CCDC88A: variants seen among roughly 807,000 people sequenced by gnomAD.
The protein encoded by CCDC88A is coiled-coil and HOOK domain protein 88A.
In CCDC88A, 54 loss-of-function variants were observed where a neutral mutation model predicts 234.3. That is an observed-to-expected ratio of 0.23 (90% CI 0.19 to 0.29). The LOEUF is 0.29. Ranked by LOEUF, CCDC88A falls within the 10% of genes least tolerant of loss-of-function variation. The pLI, the probability that CCDC88A is intolerant of heterozygous loss-of-function variation, is 1.00. For missense variants in CCDC88A, 1,832 were observed against 2,123.4 expected (o/e 0.86, Z 2.70); for synonymous variants, 753 against 737.8 (o/e 1.02, Z -0.33).
intron 4 of CCDC88A, among the ~76,000 whole-genome samples, chr2:55,373,895 C>T (rs1673207246): frequency 6.6e-6 from 1 of 152,064 alleles, no homozygotes; most frequent in Non-Finnish European, 1.5e-5. Flanking sequence ...AACATGTAGA[C>T]TGTAAGGATA....
chr2:55,317,551 T>C lies in CCDC88A; in HGVS notation c.3602+13A>G, dbSNP rs1285999798. ...ATTTTAAATTCACAGTACAACAAAA[T>C]ATAATAAATTACCGGTCTTCAAGGT... On this transcript the variant is annotated intron_variant, in intron 20 of 32. Transcript: ENST00000436346. This position sits in a 1 kb window ranked among gnomAD's most constrained non-coding sequence, Gnocchi z 4.2. The C allele has an allele frequency of 6.6e-7, 1 of 1,522,420 alleles. No homozygotes were observed. The highest frequency in any genetic ancestry group is 2.3e-5 in the East Asian group (1 of 43,754). The allele number at this position is 1,522,420 out of a possible 1,614,324, so 94.3% of individuals were successfully genotyped here. A position where few individuals can be genotyped will look rare whatever the true frequency, so the allele number is the denominator to read the frequency against.
At chr2:55,344,834 A>C (rs1668900530) in intron 10 of CCDC88A, among the ~76,000 whole-genome samples, 1 of 152,188 alleles carries the variant, frequency 6.6e-6, no homozygotes, top group South Asian at 2.1e-4. Context: ...ACAATTCTCC[A>C]TGGAATCAAG....
At chr2:55,331,708 C>G (rs1335806520) in intron 16 of CCDC88A, 1 of 152,076 alleles carries the variant, frequency 6.6e-6, no homozygotes, top group Admixed American at 6.6e-5. Flanking sequence ...TGAGAGAATA[C>G]ATATTTTTTT....
At chr2:55,355,508 G>A in intron 8 of CCDC88A, 71 bp downstream of exon 8, 1 of 1,297,052 alleles carries the variant, frequency 7.7e-7, no homozygotes, top group Non-Finnish European at 1.1e-6. Flanking sequence ...ATTTCCATAA[G>A]CTTAAAAATA....
At chr2:55,399,745 A>C (rs906594102) in intron 2 of CCDC88A, 1 of 152,218 alleles carries the variant, frequency 6.6e-6, no homozygotes, top group Non-Finnish European at 1.5e-5. Context: ...ACTTAGCTGA[A>C]GCACATTTGA....
Position 55,372,569 on chromosome 2 carries a change from T to C in CCDC88A, c.344-59A>G, listed in dbSNP as rs997938457. 5 of 828,784 alleles carry C rather than the reference T, an allele frequency of 6.0e-6. No individual in the cohort carries two copies. The African/African-American group carries it at 8.6e-5, about 14-fold the overall frequency. 51.3% of individuals were successfully genotyped at this position (828,784 alleles called of 1,614,324 possible). On this transcript the variant is annotated intron_variant, in intron 4 of 32. Coordinates refer to ENST00000436346, the MANE Select transcript of CCDC88A (RefSeq NM_001365480.1). ...TGCTATATTTTCAACTCTATTATATTTGGAGAATCACTTCTAGAGGTAATT... is the reference window on the plus strand; with the variant it reads ...TGCTATATTTTCAACTCTATTATATCTGGAGAATCACTTCTAGAGGTAATT...
Position 55,334,436 on chromosome 2 carries a change from T to A in CCDC88A, c.2385A>T (p.Thr795=). 6.3e-7 allele frequency: 1 copy of A among 1,582,570 alleles called. No homozygotes were observed. Among genetic ancestry groups the A allele is most frequent in the Non-Finnish European group, 8.5e-7 (1 of 1,171,620 alleles). The change falls in exon 15 of 33, where the codon ACA becomes ACT. Residue 795 remains threonine (T), a synonymous_variant. Coordinates refer to ENST00000436346, the MANE Select transcript of CCDC88A (RefSeq NM_001365480.1). The surrounding 1 kb of genome is among the most constrained non-coding windows in gnomAD (Gnocchi z 6.1). ...ELQDLEMENQ[T]LQKNLEELKI... ...TTAGTTCTTCTAGGTTTTTCTGCAA[T>A]GTTTGATTTTCCATCTCTAAGTCTT...
intron 16 of CCDC88A, chr2:55,331,778 T>C (rs1015946248): frequency 6.6e-6 from 1 of 152,174 alleles, no homozygotes; most frequent in African/African-American, 2.4e-5. Flanking sequence ...TTATCCAGCT[T>C]TTAAGGCTTT....
chr2:55,346,456 G>A, intron 9 of CCDC88A, 123 bp from the exon 10 acceptor site: 2 of 518,710 alleles, frequency 3.9e-6, no homozygotes, highest in South Asian at 3.2e-5. Context: ...TTTCACTCTT[G>A]TTGCCCAGGC....
intron 31 of CCDC88A, 114 bp from the exon 32 acceptor site, chr2:55,291,889 C>A: frequency 1.5e-6 from 1 of 659,650 alleles, no homozygotes; most frequent in Non-Finnish European, 2.5e-6. Context: ...CTGTAACTGT[C>A]TGGGAAAATT....
chr2:55,307,809 G>T (rs1681806276), intron 25 of CCDC88A, among the ~76,000 whole-genome samples: 1 of 150,868 alleles, frequency 6.6e-6, no homozygotes, highest in Admixed American at 6.6e-5. Flanking sequence ...TTTATTTTGA[G>T]ACGGGGTCTT....
chr2:55,318,286 A>G (rs1345080606), intron 19 of CCDC88A, among the ~76,000 whole-genome samples: 3 of 152,172 alleles, frequency 2.0e-5, no homozygotes, highest in Non-Finnish European at 4.4e-5. Flanking sequence ...GTTGATGTTA[A>G]TCAAAATCAG....
In CCDC88A at chr2:55,328,333, G is replaced by T; in HGVS notation, c.2958C>A (p.Ser986=). 2 of 1,598,310 alleles carry T rather than the reference G, an allele frequency of 1.3e-6. No individual in the cohort carries two copies. The highest frequency in any genetic ancestry group is 2.3e-5 in the East Asian group (1 of 44,118). ...GGCGCAATTGCTGGTTATAATTCGT[G>T]GATTCTTCTAATCGAGCTTCTAAAG... ...IAALEARLEE[S]TNYNQQLRQE... is the part of the protein sequence containing the mutation. Residue 986 remains serine (S), a synonymous_variant, in exon 17 of 33, where the codon TCC becomes TCA. Transcript: ENST00000436346. This position sits in a 1 kb window ranked among gnomAD's most constrained non-coding sequence, Gnocchi z 4.3.
chr2:55,387,779 C>CA (rs66479611), intron 3 of CCDC88A, among the ~76,000 whole-genome samples: 4,320 of 64,420 alleles, frequency 0.067, 352 homozygotes, highest in African/African-American at 0.19. Flanking sequence ...GGCTCCATCT[C>CA]AAAAAAAAAA....
chr2:55,383,211 A>G (rs1574386199), intron 3 of CCDC88A, among the ~76,000 whole-genome samples: 1 of 152,286 alleles, frequency 6.6e-6, no homozygotes, highest in South Asian at 2.1e-4. Context: ...AATCATCTTT[A>G]CAAGATGACC....
intron 5 of CCDC88A, among the ~76,000 whole-genome samples, chr2:55,368,436 T>TTC (rs10558653): frequency 6.6e-6 from 1 of 151,548 alleles, no homozygotes; most frequent in African/African-American, 2.4e-5. Flanking sequence ...CAATGCTTGT[T>TTC]TCTCTCTCTC....
chr2:55,398,625 C>T (rs1312870697), intron 2 of CCDC88A, among the ~76,000 whole-genome samples: 1 of 151,942 alleles, frequency 6.6e-6, no homozygotes, highest in Non-Finnish European at 1.5e-5. Context: ...AAGTCCTAAG[C>T]TCCTGGGCTG....
chr2:55,387,779 C>CAACAAAACAAAAAAA (rs1675916561), intron 3 of CCDC88A, among the ~76,000 whole-genome samples: 1 of 64,852 alleles, frequency 1.5e-5, no homozygotes, highest in Admixed American at 2.0e-4. Flanking sequence ...GGCTCCATCT[C>CAACAAAACAAAAAAA]AAAAAAAAAA....
Position 55,334,693 on chromosome 2 carries a change from C to A in CCDC88A, c.2128G>T (p.Val710Leu). Reference protein sequence around the residue: ...DEENLELRRNVESLKCASMKM... With the variant: ...DEENLELRRNLESLKCASMKM... ...ATGCTTGCACACTTCAAAGATTCTA[C>A]ATTCCTTCGCAGTTCTAAGTTTTCC... is the stretch of plus-strand genomic sequence containing the variant. Residue 710 changes from valine (V) to leucine (L), a missense_variant, in exon 15 of 33, where the codon GTA (valine) becomes TTA (leucine). This residue lies in a region of CCDC88A where 1,282 missense variants were observed against 1,543.6 expected (regional missense o/e 0.83). Transcript: ENST00000436346. The surrounding 1 kb of genome is among the most constrained non-coding windows in gnomAD (Gnocchi z 6.1). 6.8e-6 allele frequency: 11 copies of A among 1,613,658 alleles called. No individual in the cohort carries two copies. Among genetic ancestry groups the A allele is most frequent in the Non-Finnish European group, 9.3e-6 (11 of 1,179,738 alleles).
Sources: allele counts gnomAD v4.1 joint callset (sites outside exome capture counted in the v4.1 genomes callset), GRCh38; gene constraint gnomAD v4.1.1; regional missense constraint gnomAD v4.1.1; non-coding constraint Gnocchi (gnomAD v3.1); transcripts MANE v1.5; gene names NCBI Gene and HGNC (gene_info 2026-07-23, HGNC 2026-07-21).